The following ZBTB20 variants were observed in gnomAD, a reference collection of about 807,000 sequenced individuals.
ZBTB20 encodes zinc finger and BTB domain containing 20, also known as zinc finger and BTB domain-containing protein 20.
ZBTB20 carries 9 observed loss-of-function variants against 56.9 expected under a neutral mutation model. The ratio of observed to expected loss-of-function variants is 0.16; its 90% CI spans 0.10 to 0.28. The LOEUF (loss-of-function observed/expected upper bound fraction) is 0.28, where lower values mean the gene tolerates loss of function less well. Ranked by LOEUF, ZBTB20 falls within the 10% of genes least tolerant of loss-of-function variation. The pLI is 1.00. For synonymous variants in ZBTB20, 417 were observed against 420.7 expected (o/e 0.99, Z 0.11); for missense variants, 655 against 1,003.0 (o/e 0.65, Z 4.69).
intron 1 of ZBTB20, among the ~76,000 whole-genome samples, chr3:115,105,605 A>T (rs181729519): frequency 5.3e-5 from 8 of 152,294 alleles, no homozygotes; most frequent in Non-Finnish European, 1.2e-4. Flanking sequence ...AATACGTTCA[A>T]TTTAATGGTA....
intron 4 of ZBTB20, among the ~76,000 whole-genome samples, chr3:114,859,162 C>CT (rs2075377289): frequency 6.6e-6 from 1 of 152,180 alleles, no homozygotes; most frequent in African/African-American, 2.4e-5. Context: ...CTTCCTCTCC[C>CT]TTCTGCTGCC....
chr3:114,997,447 T>C (rs2079072721), intron 2 of ZBTB20, among the ~76,000 whole-genome samples: 1 of 151,732 alleles, frequency 6.6e-6, no homozygotes, highest in Non-Finnish European at 1.5e-5. Flanking sequence ...ATTAGTATAA[T>C]CCAAATAATA....
chr3:114,504,730 T>A (rs2044397965), intron 6 of ZBTB20, among the ~76,000 whole-genome samples: 1 of 152,214 alleles, frequency 6.6e-6, no homozygotes, highest in East Asian at 1.9e-4. Flanking sequence ...ATTGGATCAC[T>A]CACTCTAACT....
intron 4 of ZBTB20, among the ~76,000 whole-genome samples, chr3:114,845,940 T>C (rs1367416930): frequency 6.6e-6 from 1 of 152,196 alleles, no homozygotes; most frequent in Non-Finnish European, 1.5e-5. Flanking sequence ...ATAAGCACCT[T>C]GAGGACTTCC....
At chr3:114,377,315 C>G (rs2083762913) in intron 10 of ZBTB20, among the ~76,000 whole-genome samples, 1 of 152,128 alleles carries the variant, frequency 6.6e-6, no homozygotes, top group Non-Finnish European at 1.5e-5. Flanking sequence ...CACTGCAAAG[C>G]AACATACATT....
chr3:114,759,784 A>G (rs1441825867), intron 5 of ZBTB20, among the ~76,000 whole-genome samples: 1 of 152,158 alleles, frequency 6.6e-6, no homozygotes, highest in Admixed American at 6.6e-5. Flanking sequence ...ACTCCCAAAT[A>G]TATGCTACAC....
At chr3:115,146,628 T>C (rs1172526524) in intron 1 of ZBTB20, among the ~76,000 whole-genome samples, 1 of 152,010 alleles carries the variant, frequency 6.6e-6, no homozygotes, top group Non-Finnish European at 1.5e-5. Context: ...AGCTCCGGCG[T>C]CTGGAGAGAC....
chr3:115,140,775 A>G (rs2084791422), intron 1 of ZBTB20, among the ~76,000 whole-genome samples: 1 of 152,096 alleles, frequency 6.6e-6, no homozygotes, highest in South Asian at 2.1e-4. Context: ...TAAAAATCAA[A>G]ATCTTTTTAA....
chr3:114,430,436 G>A (rs537110600), intron 7 of ZBTB20, among the ~76,000 whole-genome samples: 1 of 152,284 alleles, frequency 6.6e-6, no homozygotes, highest in Admixed American at 6.5e-5. Context: ...AGCCTGCTAA[G>A]GGAGAAACCC....
chr3:114,741,779 G>A (rs532784530), intron 5 of ZBTB20, among the ~76,000 whole-genome samples: 16 of 151,822 alleles, frequency 1.1e-4, no homozygotes, highest in African/African-American at 3.6e-4. Flanking sequence ...CTACTCTGGA[G>A]GCTGAGGCAG....
chr3:114,955,795 A>G (rs1281396715), intron 3 of ZBTB20, among the ~76,000 whole-genome samples: 3 of 152,204 alleles, frequency 2.0e-5, no homozygotes, highest in Non-Finnish European at 4.4e-5. Context: ...AAACAAAAAA[A>G]TGGAGGTGGG....
chr3:114,708,105 G>A (rs2063828649), intron 5 of ZBTB20, among the ~76,000 whole-genome samples: 1 of 152,160 alleles, frequency 6.6e-6, no homozygotes, highest in African/African-American at 2.4e-5. Flanking sequence ...TAAGCAGAAT[G>A]CTTGTACAGA....
chr3:114,582,594 G>A (rs918447756), intron 6 of ZBTB20, among the ~76,000 whole-genome samples: 2 of 152,092 alleles, frequency 1.3e-5, no homozygotes, highest in African/African-American at 4.8e-5. Flanking sequence ...TGGCCAGGCT[G>A]GTCTCGAACT....
intron 4 of ZBTB20, among the ~76,000 whole-genome samples, chr3:114,828,187 T>C (rs1272195669): frequency 1.3e-5 from 2 of 151,804 alleles, no homozygotes; most frequent in East Asian, 1.9e-4. Context: ...TAAATTTCAA[T>C]TATTTATATA....
At chr3:115,133,393 T>C (rs1053051934) in intron 1 of ZBTB20, among the ~76,000 whole-genome samples, 7 of 152,202 alleles carry the variant, frequency 4.6e-5, no homozygotes, top group East Asian at 1.9e-4. Flanking sequence ...AAAATTCATA[T>C]AACATAAACT....
At chr3:114,831,988 A>G (rs2073869530) in intron 4 of ZBTB20, among the ~76,000 whole-genome samples, 1 of 152,102 alleles carries the variant, frequency 6.6e-6, no homozygotes, top group Non-Finnish European at 1.5e-5. Context: ...CTGCATGTTT[A>G]TATCTGTTGA....
At chr3:114,814,056 G>A (rs375747825) in intron 4 of ZBTB20, among the ~76,000 whole-genome samples, 1 of 151,602 alleles carries the variant, frequency 6.6e-6, no homozygotes, top group Non-Finnish European at 1.5e-5. Context: ...ATACTGAAGA[G>A]CATCCTAGAA....
At chr3:114,839,405 C>CAGAAAGAAAGAAAGAAAGAA (rs1197622355) in intron 4 of ZBTB20, among the ~76,000 whole-genome samples, 1 of 21,902 alleles carries the variant, frequency 4.6e-5, no homozygotes, top group African/African-American at 2.0e-4. Context: ...GAGAGCCTGT[C>CAGAAAGAAAGAAAGAAAGAA]TGAAAGAAAG....
chr3:114,544,181 T>A (rs1349223333), intron 6 of ZBTB20, among the ~76,000 whole-genome samples: 1 of 152,208 alleles, frequency 6.6e-6, no homozygotes, highest in Non-Finnish European at 1.5e-5. Context: ...CCATTTAAGT[T>A]TAATTATGTT....
Sources: gnomAD v4.1 joint callset for allele counts (sites outside exome capture counted in the v4.1 genomes callset) on GRCh38, gnomAD v4.1.1 for gene constraint, MANE v1.5 for transcripts, NCBI Gene and HGNC (gene_info 2026-07-23, HGNC 2026-07-21) for gene names.